NFIA: variants seen among roughly 807,000 people sequenced by gnomAD.
The protein encoded by NFIA is nuclear factor 1 A-type.
In NFIA, 8 loss-of-function variants were observed where a neutral mutation model predicts 62.8. The observed-to-expected ratio is 0.13, with a 90% CI of 0.07 to 0.23. The LOEUF (loss-of-function observed/expected upper bound fraction) is 0.23, where lower values mean the gene tolerates loss of function less well. Among genes scored for constraint, NFIA ranks in the 10% least tolerant of loss-of-function variants. NFIA has a pLI of 1.00. For missense variants in NFIA, 410 were observed against 642.1 expected (o/e 0.64, Z 3.91); for synonymous variants, 235 against 238.1 (o/e 0.99, Z 0.12).
chr1:61,152,239 C>G lies in NFIA; in HGVS notation c.559+63559C>G, dbSNP rs1298487176. On this transcript the variant is annotated intron_variant, in intron 2 of 10. Coordinates refer to ENST00000403491, the MANE Select transcript of NFIA (RefSeq NM_001134673.4). ...TCGCCTGCCCAAAGAGGCAGCAGGT[C>G]TTGTGGAATGCTGCACTGCGCCAGA... Among the ~76,000 whole-genome samples, 3 of 152,188 alleles carry G rather than the reference C, an allele frequency of 2.0e-5. No individual in the cohort carries two copies. The South Asian group carries it at 6.2e-4, about 31-fold the overall frequency.
chr1:61,142,961 A>C (rs1427898801), intron 2 of NFIA, among the ~76,000 whole-genome samples: 1 of 152,150 alleles, frequency 6.6e-6, no homozygotes, highest in Admixed American at 6.5e-5. Context: ...TGCTTGGCCC[A>C]AGAGCGAGTA....
intron 2 of NFIA, among the ~76,000 whole-genome samples, chr1:61,095,969 G>A (rs528003202): frequency 6.6e-6 from 1 of 151,734 alleles, no homozygotes; most frequent in South Asian, 2.1e-4. Flanking sequence ...TACAGACAGA[G>A]AAATATATAT....
chr1:61,122,178 C>T (rs1008537059), intron 2 of NFIA, among the ~76,000 whole-genome samples: 1 of 152,028 alleles, frequency 6.6e-6, no homozygotes, highest in African/African-American at 2.4e-5. Flanking sequence ...TTTTTTAATA[C>T]CACGAATGGG....
chr1:61,254,837 G>A (rs1378095912), intron 2 of NFIA, among the ~76,000 whole-genome samples: 1 of 152,164 alleles, frequency 6.6e-6, no homozygotes. Flanking sequence ...GAATTTTAGT[G>A]TTGATTTAAA....
At chr1:61,177,093 G>C (rs865781137) in intron 2 of NFIA, among the ~76,000 whole-genome samples, 4 of 150,766 alleles carry the variant, frequency 2.7e-5, no homozygotes, top group Admixed American at 6.6e-5. Flanking sequence ...GCGACAGAGC[G>C]AGACTCTGTC....
chr1:61,317,332 C>A (rs1055213661), intron 3 of NFIA, among the ~76,000 whole-genome samples: 3 of 151,998 alleles, frequency 2.0e-5, no homozygotes, highest in Non-Finnish European at 4.4e-5. Context: ...AAATATAAGA[C>A]CAAAATTTGT....
At chr1:61,189,804 C>T (rs1431489386) in intron 2 of NFIA, among the ~76,000 whole-genome samples, 1 of 152,186 alleles carries the variant, frequency 6.6e-6, no homozygotes, top group Admixed American at 6.5e-5. Context: ...TGTCTTCTTA[C>T]ATCCGAGGAG....
chr1:61,323,817 CTAAA>C (rs1446456696), intron 3 of NFIA, among the ~76,000 whole-genome samples: 28 of 152,140 alleles, frequency 1.8e-4, no homozygotes, highest in Admixed American at 7.2e-4. Context: ...ATCTGAATCA[CTAAA>C]TAAATATTTA....
At chr1:61,200,938 C>T (rs939180630) in intron 2 of NFIA, among the ~76,000 whole-genome samples, 1 of 151,784 alleles carries the variant, frequency 6.6e-6, no homozygotes, top group Admixed American at 6.6e-5. Flanking sequence ...ATTCTGTCAT[C>T]TATAATCTTT....
intron 2 of NFIA, among the ~76,000 whole-genome samples, chr1:61,167,476 G>A (rs910107598): frequency 2.0e-5 from 3 of 152,282 alleles, no homozygotes; most frequent in African/African-American, 7.2e-5. Context: ...TATTACTGTT[G>A]TGTACAAAGG....
At chr1:61,442,699 A>C (rs1461816806) in intron 10 of NFIA, among the ~76,000 whole-genome samples, 1 of 152,210 alleles carries the variant, frequency 6.6e-6, no homozygotes, top group East Asian at 1.9e-4. Context: ...AAAGAAGAAA[A>C]AATACACAAA....
At chr1:61,090,729 T>C (rs534998485) in intron 2 of NFIA, among the ~76,000 whole-genome samples, 17 of 152,316 alleles carry the variant, frequency 1.1e-4, no homozygotes, top group Admixed American at 1.0e-3. Context: ...TTTCCTGATG[T>C]ATCCCAGAAT....
chr1:61,398,997 T>G (rs1161185266), intron 7 of NFIA, among the ~76,000 whole-genome samples: 1 of 152,206 alleles, frequency 6.6e-6, no homozygotes, highest in East Asian at 1.9e-4. Flanking sequence ...AGTGGGATTT[T>G]TTTCTTCGAT....
At chr1:61,239,267 G>A (rs1329437486) in intron 2 of NFIA, among the ~76,000 whole-genome samples, 2 of 152,098 alleles carry the variant, frequency 1.3e-5, no homozygotes, top group Admixed American at 1.3e-4. Flanking sequence ...TAATGCTTGC[G>A]TGGTTTTAAT....
At chr1:61,115,313 G>T (rs1646776977) in intron 2 of NFIA, among the ~76,000 whole-genome samples, 1 of 152,150 alleles carries the variant, frequency 6.6e-6, no homozygotes, top group South Asian at 2.1e-4. Flanking sequence ...CTGGAAGTAA[G>T]GTAACATGGT....
rs962313726 is a variant in NFIA, at chr1:61,159,636, A to G, written c.559+70956A>G. On this transcript the variant is annotated intron_variant, in intron 2 of 10. Coordinates refer to ENST00000403491, the MANE Select transcript of NFIA (RefSeq NM_001134673.4). ...TGGGATATTAATCTTTGTTCTGCCT[A>G]CCTCATTGGGTTGTTATGAGAATAA... is the stretch of plus-strand genomic sequence containing the variant. 6.7e-5 allele frequency among the ~76,000 whole-genome samples: 10 copies of G among 149,548 alleles called. No individual in the cohort carries two copies. In the East Asian group the frequency reaches 2.0e-3, roughly 29 times the overall value.
intron 2 of NFIA, among the ~76,000 whole-genome samples, chr1:61,243,040 C>T (rs1655440248): frequency 6.6e-6 from 1 of 151,952 alleles, no homozygotes; most frequent in Non-Finnish European, 1.5e-5. Flanking sequence ...GCCATTTAGG[C>T]AACAATGTTA....
rs892881694 is a variant in NFIA, at chr1:61,227,930, G to T, written c.560-49590G>T. Among the ~76,000 whole-genome samples the T allele has an allele frequency of 2.0e-5, 3 of 152,044 alleles. No individual in the cohort carries two copies. In the South Asian group the frequency reaches 6.2e-4, roughly 32 times the overall value. ...ATTATAAATTTTTGTGCTAGCCTTT[G>T]GACTGACCAATTTATTATTTTCTAT... On this transcript the variant is annotated intron_variant, in intron 2 of 10. Coordinates refer to ENST00000403491, the MANE Select transcript of NFIA (RefSeq NM_001134673.4).
At chr1:61,417,992 T>C (rs936836364) in intron 9 of NFIA, among the ~76,000 whole-genome samples, 1 of 152,184 alleles carries the variant, frequency 6.6e-6, no homozygotes, top group African/African-American at 2.4e-5. Flanking sequence ...TTAACTGGCT[T>C]GCCAAGATCA....
Sources: allele counts gnomAD v4.1 joint callset (sites outside exome capture counted in the v4.1 genomes callset), GRCh38; gene constraint gnomAD v4.1.1; transcripts MANE v1.5; gene names NCBI Gene and HGNC (gene_info 2026-07-23, HGNC 2026-07-21).